The following ABCA5 variants were observed in gnomAD, a reference collection of about 807,000 sequenced individuals.
The protein encoded by ABCA5 is cholesterol transporter ABCA5.
In ABCA5, 163 loss-of-function variants were observed where a neutral mutation model predicts 206.0. That is an observed-to-expected ratio of 0.79 (90% CI 0.70 to 0.90). The LOEUF is 0.90. Ranked by LOEUF, ABCA5 falls within the 40% of genes least tolerant of loss-of-function variation. The pLI is 0.00. For missense variants in ABCA5, 1,859 were observed against 1,912.9 expected (o/e 0.97, Z 0.53); for synonymous variants, 609 against 613.8 (o/e 0.99, Z 0.11).
chr17:69,298,233 A>AAGGT (rs1352831325), intron 9 of ABCA5, among the ~76,000 whole-genome samples: 1,307 of 68,028 alleles, frequency 0.019, 66 homozygotes, highest in East Asian at 0.05. Flanking sequence ...GGTAGGTAGG[A>AAGGT]AGGAAGGAAG....
Position 69,259,799 on chromosome 17 carries a change from T to C in ABCA5, c.3640-2A>G. On this transcript the variant is annotated splice_acceptor_variant, in intron 27 of 38. Coordinates refer to ENST00000392676, the MANE Select transcript of ABCA5 (RefSeq NM_172232.4). LOFTEE classifies it high-confidence loss of function. ...CCACAGTACACACTGCAGGTAAGGC[T>C]AAAAGAAGAACATGTAGCAGCTCAT... is the stretch of plus-strand genomic sequence containing the variant. 1 of 1,563,778 alleles carries C rather than the reference T, an allele frequency of 6.4e-7. No individual in the cohort carries two copies. The highest frequency in any genetic ancestry group is 8.7e-7 in the Non-Finnish European group (1 of 1,148,122).
intron 12 of ABCA5, among the ~76,000 whole-genome samples, chr17:69,290,331 A>G (rs563538925): frequency 1.3e-4 from 20 of 152,302 alleles, no homozygotes; most frequent in African/African-American, 4.3e-4. Context: ...GTATTCCAGT[A>G]ACAATTTTCT....
intron 36 of ABCA5, among the ~76,000 whole-genome samples, 186 bp from the exon 37 acceptor site, chr17:69,250,170 TA>T (rs1029909714): frequency 5.3e-4 from 80 of 152,072 alleles, no homozygotes; most frequent in Admixed American, 5.9e-4. Flanking sequence ...CTAAGAATGT[TA>T]AAAAAATTTA....
rs1165704430 is a variant in ABCA5, at chr17:69,246,287, T to C, written c.*1250A>G. 1.3e-5 allele frequency: 2 copies of C among 151,996 alleles called. No individual in the cohort carries two copies. Among genetic ancestry groups the C allele is most frequent in the East Asian group, 3.8e-4 (2 of 5,206 alleles). The allele number at this position is 151,996 out of a possible 1,614,324, so 9.4% of individuals were successfully genotyped here. On this transcript the variant is annotated 3_prime_UTR_variant, in exon 39 of 39. Coordinates refer to ENST00000392676, the MANE Select transcript of ABCA5 (RefSeq NM_172232.4). ...TGTCATTGCTGTTGTTGTTGTCTAA[T>C]ACAATAATCACACTCTCAATATATT...
chr17:69,263,931 C>T (rs979713942), intron 24 of ABCA5, among the ~76,000 whole-genome samples: 2 of 151,980 alleles, frequency 1.3e-5, no homozygotes, highest in African/African-American at 2.4e-5. Flanking sequence ...CTCTTGACCT[C>T]GTGATCCACC....
chr17:69,304,496 T>C (rs2075695769), intron 7 of ABCA5, 173 bp downstream of exon 7: 1 of 513,638 alleles, frequency 1.9e-6, no homozygotes, highest in Non-Finnish European at 3.2e-6. Flanking sequence ...GTAACATTAC[T>C]AAAAATACAG....
chr17:69,283,302 C>A (rs1008859862), intron 18 of ABCA5, among the ~76,000 whole-genome samples: 5 of 152,070 alleles, frequency 3.3e-5, no homozygotes, highest in African/African-American at 1.2e-4. Flanking sequence ...TTCACTGACA[C>A]CCTAGTTCAA....
At chr17:69,325,093 C>T (rs183732258) in intron 1 of ABCA5, among the ~76,000 whole-genome samples, 91 of 143,806 alleles carry the variant, frequency 6.3e-4, no homozygotes, top group Middle Eastern at 7.4e-3. Context: ...GGCTTGAGCC[C>T]AAGAGTTCAA....
Position 69,255,730 on chromosome 17 carries a change from A to T in ABCA5, c.3976+3T>A. ...GTTATGTAAGGAAAAATTAAATACC[A>T]GCCTTTTTTCACACAGAAAGAGATG... On this transcript the variant is annotated splice_donor_region_variant and intron_variant, in intron 30 of 38. Coordinates refer to ENST00000392676, the MANE Select transcript of ABCA5 (RefSeq NM_172232.4). 1 of 1,582,248 alleles carries T rather than the reference A, an allele frequency of 6.3e-7. No individual in the cohort carries two copies. The highest frequency in any genetic ancestry group is 8.5e-7 in the Non-Finnish European group (1 of 1,171,626).
At chr17:69,297,151 A>C in intron 10 of ABCA5, 40 bp downstream of exon 10, 1 of 1,563,042 alleles carries the variant, frequency 6.4e-7, no homozygotes, top group Non-Finnish European at 8.7e-7. Context: ...ATGTTTCATC[A>C]GCAGTTCTTA....
chr17:69,247,439 G>T lies in ABCA5; in HGVS notation c.*98C>A. ...TAGAAAAATTTCAAGTGCGTTCTTG[G>T]TTCTCCAGTTACCATTCCAATAAAA... On this transcript the variant is annotated 3_prime_UTR_variant, in exon 39 of 39. Transcript: ENST00000392676. The T allele has an allele frequency of 2.7e-6, 2 of 749,108 alleles. No individual in the cohort carries two copies. Among genetic ancestry groups the T allele is most frequent in the Middle Eastern group, 2.8e-4 (1 of 3,576 alleles). The allele number at this position is 749,108 out of a possible 1,614,324, so 46.4% of individuals were successfully genotyped here.
At chr17:69,266,587 A>T (rs1261105177) in intron 23 of ABCA5, among the ~76,000 whole-genome samples, 5 of 147,030 alleles carry the variant, frequency 3.4e-5, no homozygotes, top group African/African-American at 9.8e-5. Flanking sequence ...TATATATATA[A>T]ATAAAAAAAT....
rs2074962734 is a variant in ABCA5 at position 69,247,370 on chromosome 17, A to G, written c.*167T>C. ...CTTAATTATACATACGTTTTATTTA[A>G]AGAAAAGCAAAACACACAACCACAG... On this transcript the variant is annotated 3_prime_UTR_variant, in exon 39 of 39. Coordinates refer to ENST00000392676, the MANE Select transcript of ABCA5 (RefSeq NM_172232.4). 3 of 546,224 alleles carry G rather than the reference A, an allele frequency of 5.5e-6. No individual in the cohort carries two copies. The highest frequency in any genetic ancestry group is 4.8e-4 in the Middle Eastern group (1 of 2,068). The allele number at this position is 546,224 out of a possible 1,614,324, so 33.8% of individuals were successfully genotyped here.
intron 9 of ABCA5, among the ~76,000 whole-genome samples, chr17:69,299,849 AAAT>A (rs1250236802): frequency 6.6e-6 from 1 of 150,796 alleles, no homozygotes; most frequent in Non-Finnish European, 1.5e-5. Context: ...ATCTATTAAA[AAAT>A]AATAAAACCT....
chr17:69,273,956 C>A lies in ABCA5; in HGVS notation c.2764+3G>T, dbSNP rs777934658. On this transcript the variant is annotated splice_donor_region_variant and intron_variant, in intron 20 of 38. Transcript: ENST00000392676. ...TCGTTCACAGACCTTCACACACTCTCACCAGCAGAATTTTGAAGAAGCAGA... is the reference window on the plus strand; with the variant it reads ...TCGTTCACAGACCTTCACACACTCTAACCAGCAGAATTTTGAAGAAGCAGA... The A allele has an allele frequency of 1.6e-5, 25 of 1,601,888 alleles. No homozygotes were observed. Among genetic ancestry groups the A allele is most frequent in the Non-Finnish European group, 1.9e-5 (22 of 1,176,300 alleles).
chr17:69,244,358 T>C lies in ABCA5; in HGVS notation c.*3179A>G, dbSNP rs1228779465. The C allele has an allele frequency of 1.3e-5, 2 of 152,124 alleles. No individual in the cohort carries two copies. Among genetic ancestry groups the C allele is most frequent in the African/African-American group, 4.8e-5 (2 of 41,446 alleles). 9.4% of individuals were successfully genotyped at this position (152,124 alleles called of 1,614,324 possible). A position where few individuals can be genotyped will look rare whatever the true frequency, so the allele number is the denominator to read the frequency against. On this transcript the variant is annotated 3_prime_UTR_variant, in exon 39 of 39. Transcript: ENST00000392676. ...CATTTTTAATATGAGCTACTCATTA[T>C]TCAATTATCAGCACTAAATAACAAA...
chr17:69,288,475 T>C (rs938484081), intron 14 of ABCA5, among the ~76,000 whole-genome samples: 14 of 152,318 alleles, frequency 9.2e-5, no homozygotes, highest in African/African-American at 3.1e-4. Context: ...AAATATTTTT[T>C]AAACTATAGA....
chr17:69,251,853 T>G lies in ABCA5; in HGVS notation c.4429A>C (p.Thr1477Pro). The change falls in exon 35 of 39, where the codon ACT (threonine) becomes CCT (proline). Residue 1477 changes from threonine (T) to proline (P), a missense_variant. Transcript: ENST00000392676. ...AKQHMWRAIRTAFKNRKRAAI... is the reference protein window; with the variant it reads ...AKQHMWRAIRPAFKNRKRAAI... Reference sequence around the variant, plus strand: ...GCCCGCTTTCTGTTTTTAAATGCAGTTCGAATTGCTCGCCTATAAAACATA... The same window carrying G: ...GCCCGCTTTCTGTTTTTAAATGCAGGTCGAATTGCTCGCCTATAAAACATA... The G allele has an allele frequency of 1.2e-6, 2 of 1,613,460 alleles. No individual in the cohort carries two copies. Among genetic ancestry groups the G allele is most frequent in the Non-Finnish European group, 1.7e-6 (2 of 1,179,872 alleles).
intron 15 of ABCA5, 78 bp downstream of exon 15, chr17:69,287,535 C>A (rs116888803): frequency 1.4e-6 from 2 of 1,477,848 alleles, no homozygotes; most frequent in Non-Finnish European, 1.8e-6. Flanking sequence ...CTATTTATAC[C>A]TCAGGAATTA....
Sources: allele counts gnomAD v4.1 joint callset (sites outside exome capture counted in the v4.1 genomes callset), GRCh38; gene constraint gnomAD v4.1.1; transcripts MANE v1.5; gene names NCBI Gene and HGNC (gene_info 2026-07-23, HGNC 2026-07-21).